Variants in PCDH15 observed in about 807,000 individuals in gnomAD.
The protein encoded by PCDH15 is protocadherin related 15.
Under a neutral mutation model 178.5 loss-of-function variants are expected in PCDH15, and 129 were observed. The ratio of observed to expected loss-of-function variants is 0.72; its 90% CI spans 0.63 to 0.84. The LOEUF is 0.84. Among genes scored for constraint, PCDH15 ranks in the 40% least tolerant of loss-of-function variants. The probability of loss-of-function intolerance (pLI) is 0.00; values close to 1 mark genes in which losing one functional copy is unlikely to be tolerated. For missense variants in PCDH15, 2,230 were observed against 2,099.9 expected (o/e 1.06, Z -1.21); for synonymous variants, 800 against 732.0 (o/e 1.09, Z -1.50).
In PCDH15 at chr10:55,375,580, C is replaced by T. The variant is rs1052045022; in HGVS notation, c.-155-208929G>A. On this transcript the variant is annotated intron_variant, in intron 2 of 5. Transcript: ENST00000613346. ...TATGGGGAGAGTGTCTTCTCTATGT[C>T]TAATTTATGACAATCCAAATAAAAG... 5.9e-5 allele frequency among the ~76,000 whole-genome samples: 9 copies of T among 152,122 alleles called. No individual in the cohort carries two copies. In the South Asian group the frequency reaches 1.0e-3, roughly 18 times the overall value.
intron 8 of PCDH15, among the ~76,000 whole-genome samples, chr10:54,262,214 T>C (rs898300650): frequency 6.6e-6 from 1 of 152,022 alleles, no homozygotes; most frequent in Non-Finnish European, 1.5e-5. Context: ...TGCAGCAAAA[T>C]GCAACCCTAG....
At chr10:54,620,991 T>C (rs2093333156) in intron 2 of PCDH15, among the ~76,000 whole-genome samples, 2 of 152,012 alleles carry the variant, frequency 1.3e-5, no homozygotes, top group Non-Finnish European at 2.9e-5. Flanking sequence ...AGAATATATA[T>C]TCTTTTTTAG....
intron 3 of PCDH15, among the ~76,000 whole-genome samples, chr10:54,392,233 G>A (rs1310543264): frequency 2.0e-5 from 3 of 151,968 alleles, no homozygotes; most frequent in Admixed American, 2.0e-4. Flanking sequence ...GGGAGGCTGA[G>A]GCAGGTGGAT....
intron 29 of PCDH15, among the ~76,000 whole-genome samples, chr10:53,834,451 T>C (rs986785515): frequency 6.6e-6 from 1 of 152,172 alleles, no homozygotes; most frequent in Admixed American, 6.5e-5. Flanking sequence ...TGATCCCGTT[T>C]TTCCACTGCT....
At chr10:55,440,312 T>G (rs545626489) in intron 2 of PCDH15, among the ~76,000 whole-genome samples, 1 of 152,302 alleles carries the variant, frequency 6.6e-6, no homozygotes, top group African/African-American at 2.4e-5. Context: ...ATGCACTAGT[T>G]ATATGCAACC....
At chr10:53,817,601 A>G (rs952320015) in intron 34 of PCDH15, among the ~76,000 whole-genome samples, 2 of 143,538 alleles carry the variant, frequency 1.4e-5, no homozygotes, top group Admixed American at 7.4e-5. Context: ...GGCTCACTGC[A>G]ATCTCCGCCT....
chr10:54,037,415 G>C, intron 18 of PCDH15, among the ~76,000 whole-genome samples: 1 of 151,804 alleles, frequency 6.6e-6, no homozygotes, highest in South Asian at 2.1e-4. Flanking sequence ...CCTAATCAGT[G>C]AGCAGCCACC....
intron 2 of PCDH15, among the ~76,000 whole-genome samples, chr10:55,356,407 T>C (rs1401470100): frequency 6.6e-6 from 1 of 151,904 alleles, no homozygotes; most frequent in Admixed American, 6.6e-5. Context: ...ACAGTGGTTA[T>C]GACTTGCCAC....
chr10:53,888,310 G>GTA (rs1554845230), intron 26 of PCDH15, among the ~76,000 whole-genome samples: 14 of 28,600 alleles, frequency 4.9e-4, no homozygotes, highest in East Asian at 1.6e-3. Context: ...ATATATATAT[G>GTA]TATATATGTA....
chr10:54,169,272 G>A lies in PCDH15; in HGVS notation c.1590+14172C>T, dbSNP rs536391168. On this transcript the variant is annotated intron_variant, in intron 13 of 37. Coordinates refer to ENST00000644397, the MANE Select transcript of PCDH15 (RefSeq NM_001384140.1). Reference sequence around the variant, plus strand: ...GGAAGCCCCCTAGACAATCACGGACGCCGAGCTTCGGGTAACTCTCACAGT... The same window carrying A: ...GGAAGCCCCCTAGACAATCACGGACACCGAGCTTCGGGTAACTCTCACAGT... Among the ~76,000 whole-genome samples the A allele has an allele frequency of 1.6e-3, 95 of 58,570 alleles. 32 individuals are homozygous for A. The highest frequency in any genetic ancestry group is 3.1e-3 in the South Asian group (8 of 2,548). The allele number at this position is 58,570 out of a possible 152,430, so 38.4% of individuals were successfully genotyped here. A position where few individuals can be genotyped will look rare whatever the true frequency, so the allele number is the denominator to read the frequency against.
At chr10:55,428,727 T>C (rs953867317) in intron 2 of PCDH15, among the ~76,000 whole-genome samples, 1 of 151,964 alleles carries the variant, frequency 6.6e-6, no homozygotes, top group Non-Finnish European at 1.5e-5. Flanking sequence ...GCATGATTAT[T>C]AATAGGTTTA....
chr10:55,168,041 A>G (rs1035593431), intron 1 of PCDH15, among the ~76,000 whole-genome samples: 3 of 152,214 alleles, frequency 2.0e-5, no homozygotes, highest in African/African-American at 4.8e-5. Context: ...GGATTAATGT[A>G]TATCTATCTT....
chr10:54,349,193 A>T (rs577645949), intron 5 of PCDH15, among the ~76,000 whole-genome samples: 18 of 152,298 alleles, frequency 1.2e-4, no homozygotes, highest in Admixed American at 3.9e-4. Flanking sequence ...CATGCCTTTC[A>T]ATCTGCTTAC....
chr10:54,490,008 A>C (rs960622700), intron 3 of PCDH15, among the ~76,000 whole-genome samples: 3 of 152,216 alleles, frequency 2.0e-5, no homozygotes, highest in Non-Finnish European at 2.9e-5. Context: ...AAAACTCAAA[A>C]TGAGAAAGCA....
chr10:54,454,408 T>A (rs1479740858), intron 3 of PCDH15, among the ~76,000 whole-genome samples: 2 of 147,382 alleles, frequency 1.4e-5, no homozygotes, highest in East Asian at 4.0e-4. Flanking sequence ...ATTCAACTGA[T>A]GTTTAATAAA....
rs556782827 is a variant in PCDH15, at chr10:55,267,016, C to T, written c.-156+52583G>A. On this transcript the variant is annotated intron_variant, in intron 1 of 5. Transcript: ENST00000458638. ...TTGCTTCCCCTAGAGGTTTGAGCAG[C>T]GGGGCACCACAGATGCAAGCTGCAC... Among the ~76,000 whole-genome samples, 6 of 152,124 alleles carry T rather than the reference C, an allele frequency of 3.9e-5. No individual in the cohort carries two copies. In the South Asian group the frequency reaches 1.2e-3, roughly 32 times the overall value.
At chr10:55,388,605 T>C (rs566501928) in intron 2 of PCDH15, among the ~76,000 whole-genome samples, 86 of 152,228 alleles carry the variant, frequency 5.6e-4, no homozygotes, top group African/African-American at 1.9e-3. Context: ...TGCTATTCTA[T>C]ATGTACAATT....
intron 14 of PCDH15, among the ~76,000 whole-genome samples, chr10:54,134,423 T>G (rs2042710336): frequency 6.6e-6 from 1 of 151,918 alleles, no homozygotes; most frequent in South Asian, 2.1e-4. Flanking sequence ...TTTGTCTGAG[T>G]TTATTAACTA....
intron 23 of PCDH15, among the ~76,000 whole-genome samples, chr10:53,951,544 T>C (rs1312972114): frequency 1.3e-5 from 2 of 152,220 alleles, no homozygotes; most frequent in Non-Finnish European, 2.9e-5. Context: ...AAATAGAAAC[T>C]GAAGGAACCA....
Sources: gnomAD v4.1 joint callset for allele counts (sites outside exome capture counted in the v4.1 genomes callset) on GRCh38, gnomAD v4.1.1 for gene constraint, MANE v1.5 for transcripts, NCBI Gene and HGNC (gene_info 2026-07-23, HGNC 2026-07-21) for gene names.